The following DENND4A variants were observed in gnomAD, a reference collection of about 807,000 sequenced individuals.
DENND4A encodes the protein DENN domain containing 4A, also known as C-myc promoter-binding protein.
Under a neutral mutation model 199.3 loss-of-function variants are expected in DENND4A, and 70 were observed. That is an observed-to-expected ratio of 0.35 (90% CI 0.29 to 0.43). The LOEUF is 0.43. DENND4A is among the 20% of genes least tolerant of loss of function. The probability of loss-of-function intolerance (pLI) is 1.00; values close to 1 mark genes in which losing one functional copy is unlikely to be tolerated. For synonymous variants in DENND4A, 686 were observed against 766.9 expected, an observed-to-expected ratio of 0.89 and a Z score of 1.74; for missense variants, 1,723 against 2,255.8, an observed-to-expected ratio of 0.76 and a Z score of 4.78.
intron 1 of DENND4A, among the ~76,000 whole-genome samples, chr15:65,762,789 C>T (rs887339457): frequency 6.6e-6 from 1 of 151,988 alleles, no homozygotes; most frequent in African/African-American, 2.4e-5. Flanking sequence ...TGTGCAAATA[C>T]CACACCATTT....
chr15:65,689,989 C>T (rs558276027), intron 23 of DENND4A, among the ~76,000 whole-genome samples: 4 of 152,268 alleles, frequency 2.6e-5, no homozygotes, highest in African/African-American at 9.6e-5. Context: ...TTCTCTATTT[C>T]ATCTAGCTTT....
chr15:65,661,720 T>TG lies in DENND4A; in HGVS notation c.*130dup, dbSNP rs1489705617. 1 of 739,582 alleles carries TG rather than the reference T, an allele frequency of 1.4e-6. No individual in the cohort carries two copies. Among genetic ancestry groups the TG allele is most frequent in the Non-Finnish European group, 2.1e-6 (1 of 486,664 alleles). The allele number at this position is 739,582 out of a possible 1,614,324, so 45.8% of individuals were successfully genotyped here. On this transcript the variant is annotated 3_prime_UTR_variant, in exon 33 of 33. Coordinates refer to ENST00000443035, the MANE Select transcript of DENND4A (RefSeq NM_001320835.1). ...TTCTTCAAACATTCTGTACATAAGC[T>TG]GTCTGAGTCTTTTGAACCATTTACA...
At chr15:65,752,655 A>C (rs760023835) in intron 3 of DENND4A, 27 bp from the exon 4 acceptor site, 1 of 1,351,648 alleles carries the variant, frequency 7.4e-7, no homozygotes, top group South Asian at 1.4e-5. Context: ...AAAAATAAAT[A>C]CACAAAGCAC....
rs1183412445 is a variant in DENND4A at position 65,660,164 on chromosome 15, T to C, written c.*1687A>G. On this transcript the variant is annotated 3_prime_UTR_variant, in exon 33 of 33. Transcript: ENST00000443035. ...ATAGTAAAGAATAATATTGGAGTGG[T>C]ATTTACAAAGGAGAGGCAGATATAT... The C allele has an allele frequency of 8.9e-6, 6 of 670,604 alleles. No homozygotes were observed. The highest frequency in any genetic ancestry group is 5.3e-6 in the Non-Finnish European group (2 of 379,926). The allele number at this position is 670,604 out of a possible 1,614,324, so 41.5% of individuals were successfully genotyped here.
chr15:65,783,204 C>T (rs1303238013), intron 1 of DENND4A, among the ~76,000 whole-genome samples: 2 of 152,200 alleles, frequency 1.3e-5, no homozygotes, highest in Admixed American at 1.3e-4. Context: ...TATATAAGCA[C>T]TGTTCTTTTT....
chr15:65,665,096 T>A (rs979125353), intron 30 of DENND4A: 4 of 464,644 alleles, frequency 8.6e-6, no homozygotes, highest in Admixed American at 3.9e-5. Context: ...CTCCAGCACA[T>A]ACACAGCACC....
At chr15:65,783,346 G>A (rs895462246) in intron 1 of DENND4A, among the ~76,000 whole-genome samples, 1 of 152,176 alleles carries the variant, frequency 6.6e-6, no homozygotes, top group Non-Finnish European at 1.5e-5. Flanking sequence ...GGAGAGGGAG[G>A]TAATAGATAG....
intron 4 of DENND4A, among the ~76,000 whole-genome samples, chr15:65,746,369 C>CTCTCTTTTTTTTTTTTT (rs2076392238): frequency 2.0e-5 from 1 of 51,268 alleles, no homozygotes; most frequent in African/African-American, 7.0e-5. Context: ...ACTTTTTTCT[C>CTCTCTTTTTTTTTTTTT]TTTTTTTTTT....
At position 65,732,835 on chromosome 15, in the gene DENND4A, A is replaced by C. The variant is rs1479794486; in HGVS notation, c.1041-17T>G. On this transcript the variant is annotated splice_polypyrimidine_tract_variant and intron_variant, in intron 7 of 32. Transcript: ENST00000443035. ...GAAATATGCCTTGAAAACAAACAAAAGTGTAAGTGATTCCAAAGTGAACGT... is the reference window on the plus strand; with the variant it reads ...GAAATATGCCTTGAAAACAAACAAACGTGTAAGTGATTCCAAAGTGAACGT... 6.7e-7 allele frequency: 1 copy of C among 1,496,920 alleles called. No homozygotes were observed. Among genetic ancestry groups the C allele is most frequent in the Non-Finnish European group, 9.3e-7 (1 of 1,079,286 alleles). 92.7% of individuals were successfully genotyped at this position (1,496,920 alleles called of 1,614,324 possible).
At chr15:65,780,793 G>C (rs1023282343) in intron 1 of DENND4A, among the ~76,000 whole-genome samples, 7 of 152,182 alleles carry the variant, frequency 4.6e-5, no homozygotes, top group African/African-American at 1.4e-4. Context: ...CATTTACAGG[G>C]AAGAAAATGA....
At chr15:65,742,244 A>T (rs2076277740) in intron 4 of DENND4A, among the ~76,000 whole-genome samples, 1 of 152,096 alleles carries the variant, frequency 6.6e-6, no homozygotes, top group East Asian at 1.9e-4. Context: ...TTCATTTCCA[A>T]TCAGGCTTTA....
chr15:65,719,262 A>T (rs1437734347), intron 12 of DENND4A: 1 of 152,280 alleles, frequency 6.6e-6, no homozygotes. Flanking sequence ...AAGGGAAAGA[A>T]GAACTATTGC....
chr15:65,764,440 A>C (rs2076929343), intron 1 of DENND4A, among the ~76,000 whole-genome samples: 1 of 151,892 alleles, frequency 6.6e-6, no homozygotes, highest in South Asian at 2.1e-4. Flanking sequence ...AGACCAGCCT[A>C]GCCAACAGGG....
Position 65,690,747 on chromosome 15 carries a change from T to C in DENND4A, c.3847A>G (p.Lys1283Glu). The C allele has an allele frequency of 6.2e-7, 1 of 1,613,620 alleles. No individual in the cohort carries two copies. Among genetic ancestry groups the C allele is most frequent in the Non-Finnish European group, 8.5e-7 (1 of 1,179,772 alleles). ...QRACDDKLNK[K>E]SPPLVKACRR... is the part of the protein sequence containing the mutation. ...CATGCCTTGACCAATGGTGGACTTT[T>C]CTTATTTAATTTATCATCACATGCC... The change falls in exon 23 of 33, where the codon AAA becomes GAA. Residue 1283 changes from lysine to glutamate, a missense_variant. This residue lies in a region of DENND4A where 650 missense variants were observed against 738.1 expected (regional missense o/e 0.88). Coordinates refer to ENST00000443035, the MANE Select transcript of DENND4A (RefSeq NM_001320835.1).
intron 1 of DENND4A, chr15:65,771,529 G>T (rs1030214677): frequency 1.9e-5 from 31 of 1,611,792 alleles, no homozygotes; most frequent in Non-Finnish European, 2.5e-5. Flanking sequence ...ATAATGACAC[G>T]AGGATCAATA....
intron 22 of DENND4A, among the ~76,000 whole-genome samples, chr15:65,692,201 T>C (rs993126007): frequency 2.0e-5 from 3 of 152,194 alleles, no homozygotes; most frequent in African/African-American, 4.8e-5. Flanking sequence ...AAATAAAGGT[T>C]ATTTTTTAAA....
intron 1 of DENND4A, among the ~76,000 whole-genome samples, chr15:65,789,844 T>C (rs879405954): frequency 2.0e-5 from 3 of 152,150 alleles, no homozygotes; most frequent in Non-Finnish European, 4.4e-5. Context: ...AAAACCAAGT[T>C]TTATAATAGC....
rs1246633656 is a variant in DENND4A, at chr15:65,667,574, C to T, written c.5116G>A (p.Ala1706Thr). The change falls in exon 29 of 33, where the codon GCA (alanine) becomes ACA (threonine). Residue 1706 changes from alanine (A) to threonine (T), a missense_variant. By Grantham distance (58) the Ala-to-Thr change is moderately conservative (BLOSUM62 0). Around this residue, in one of 6 missense-constraint regions of DENND4A, gnomAD observed 164 missense variants for 280.1 expected, o/e 0.59. Coordinates refer to ENST00000443035, the MANE Select transcript of DENND4A (RefSeq NM_001320835.1). ...ATTGGATGATGGTCCACAAAGTCTG[C>T]TACTGTTATTGCATGATCACCTTCA... ...ENEGDHAITV[A>T]DFVDHHPIVF... is the part of the protein sequence containing the mutation. The T allele has an allele frequency of 3.7e-6, 6 of 1,614,014 alleles. No homozygotes were observed. The East Asian group carries it at 6.7e-5, about 18-fold the overall frequency.
intron 4 of DENND4A, among the ~76,000 whole-genome samples, chr15:65,744,543 C>A (rs1419336819): frequency 6.6e-6 from 1 of 152,084 alleles, no homozygotes; most frequent in Non-Finnish European, 1.5e-5. Flanking sequence ...TAACAAGGCT[C>A]CCTCCACCCT....
Sources: gnomAD v4.1 joint callset for allele counts (sites outside exome capture counted in the v4.1 genomes callset) on GRCh38, gnomAD v4.1.1 for gene constraint, gnomAD v4.1.1 regional missense constraint, MANE v1.5 for transcripts, NCBI Gene and HGNC (gene_info 2026-07-23, HGNC 2026-07-21) for gene names.